Variants in QTMAN observed in about 807,000 individuals in gnomAD.
QTMAN encodes the protein tRNA-queuosine alpha-mannosyltransferase.
the QTMAN span, among the ~76,000 whole-genome samples, chr2:144,228,538 T>C: frequency 2.9e-3 from 445 of 152,180 alleles, 3 homozygotes; most frequent in African/African-American, 0.01. Context: ...TATAAGTAAA[T>C]AGCTGAAGGT....
the QTMAN span, among the ~76,000 whole-genome samples, chr2:144,047,595 G>A: frequency 2.3e-4 from 35 of 152,068 alleles, no homozygotes; most frequent in African/African-American, 8.0e-4. Flanking sequence ...GAGAAATCAA[G>A]CAGTCAGACC....
the QTMAN span, among the ~76,000 whole-genome samples, chr2:144,155,405 A>G: frequency 1.3e-5 from 2 of 152,218 alleles, no homozygotes; most frequent in African/African-American, 2.4e-5. Flanking sequence ...AACACTTCAT[A>G]TGGTGTTTTA....
At chr2:144,014,889 T>G in the QTMAN span, among the ~76,000 whole-genome samples, 1 of 152,218 alleles carries the variant, frequency 6.6e-6, no homozygotes, top group African/African-American at 2.4e-5. Flanking sequence ...CAGATAACCT[T>G]ATTTATACCA....
chr2:144,303,137 A>G, the QTMAN span, among the ~76,000 whole-genome samples: 5 of 152,174 alleles, frequency 3.3e-5, no homozygotes, highest in Admixed American at 2.0e-4. Context: ...GCACCACAAT[A>G]AAGAAATGAG....
chr2:143,989,395 A>G, the QTMAN span, among the ~76,000 whole-genome samples: 3 of 152,196 alleles, frequency 2.0e-5, no homozygotes, highest in Admixed American at 6.5e-5. Context: ...CAGATACTCA[A>G]GGAAGCAGGT....
At chr2:144,093,367 T>G in the QTMAN span, among the ~76,000 whole-genome samples, 4 of 152,290 alleles carry the variant, frequency 2.6e-5, no homozygotes, top group Admixed American at 1.3e-4. Flanking sequence ...TTTAAAAAGG[T>G]AGCAAACTTG....
At chr2:143,940,455 T>C in the QTMAN span, 1 of 152,260 alleles carries the variant, frequency 6.6e-6, no homozygotes, top group African/African-American at 2.4e-5. Context: ...TTGGTATTTA[T>C]TACTCTATAA....
At chr2:144,249,009 A>G in the QTMAN span, among the ~76,000 whole-genome samples, 2 of 152,238 alleles carry the variant, frequency 1.3e-5, no homozygotes, top group Non-Finnish European at 2.9e-5. Flanking sequence ...AGTTTTTAGA[A>G]CATTACTTAC....
the QTMAN span, among the ~76,000 whole-genome samples, chr2:144,328,984 C>A: frequency 6.6e-6 from 1 of 151,954 alleles, no homozygotes; most frequent in African/African-American, 2.4e-5. Flanking sequence ...CCAGGCAGGG[C>A]ACAGAGGCTC....
At chr2:144,285,882 G>T in the QTMAN span, among the ~76,000 whole-genome samples, 4 of 152,188 alleles carry the variant, frequency 2.6e-5, no homozygotes, top group African/African-American at 7.2e-5. Flanking sequence ...CCAGTCCCTC[G>T]TGCCCTTCTA....
At chr2:144,094,913 G>A in the QTMAN span, among the ~76,000 whole-genome samples, 1 of 152,280 alleles carries the variant, frequency 6.6e-6, no homozygotes, top group Admixed American at 6.5e-5. Flanking sequence ...ATATTTTGGT[G>A]GAAATTTTTT....
chr2:144,222,898 A>C, the QTMAN span, among the ~76,000 whole-genome samples: 1 of 152,244 alleles, frequency 6.6e-6, no homozygotes, highest in African/African-American at 2.4e-5. Context: ...CTGATTGGAT[A>C]GTCAACTAAA....
chr2:143,995,845 C>T, the QTMAN span, among the ~76,000 whole-genome samples: 5 of 152,138 alleles, frequency 3.3e-5, no homozygotes, highest in Admixed American at 3.3e-4. Flanking sequence ...CAGCTTCCAA[C>T]TTGAAATCTC....
chr2:144,244,271 T>C, the QTMAN span, among the ~76,000 whole-genome samples: 4 of 152,268 alleles, frequency 2.6e-5, no homozygotes, highest in South Asian at 4.1e-4. Context: ...TACAACAACA[T>C]TGGGGAAGTT....
the QTMAN span, among the ~76,000 whole-genome samples, chr2:144,091,724 C>T: frequency 3.3e-5 from 5 of 152,156 alleles, no homozygotes; most frequent in Non-Finnish European, 5.9e-5. Context: ...CATACAAAGA[C>T]TTGCATGCAA....
chr2:144,279,515 A>G, the QTMAN span, among the ~76,000 whole-genome samples: 1 of 152,174 alleles, frequency 6.6e-6, no homozygotes, highest in Non-Finnish European at 1.5e-5. Flanking sequence ...CCCTTCAGAT[A>G]CCTGCCTCAG....
chr2:144,102,132 C>G, the QTMAN span, among the ~76,000 whole-genome samples: 299 of 152,300 alleles, frequency 2.0e-3, no homozygotes, highest in Non-Finnish European at 4.0e-4. Context: ...AGAGCTTGGT[C>G]TTTAAATAAA....
the QTMAN span, among the ~76,000 whole-genome samples, chr2:144,329,797 A>G: frequency 6.6e-6 from 1 of 152,226 alleles, no homozygotes; most frequent in Non-Finnish European, 1.5e-5. Context: ...CAAGTTTACT[A>G]TATCATGATT....
the QTMAN span, among the ~76,000 whole-genome samples, chr2:144,307,701 T>C: frequency 2.6e-5 from 4 of 152,226 alleles, no homozygotes; most frequent in East Asian, 7.7e-4. Context: ...TGACAAACTG[T>C]AAATTTTTTA....
Sources: gnomAD v4.1 joint callset for allele counts (sites outside exome capture counted in the v4.1 genomes callset) on GRCh38, gnomAD v4.1.1 for gene constraint, MANE v1.5 for transcripts, NCBI Gene and HGNC (gene_info 2026-07-23, HGNC 2026-07-21) for gene names.